Variants in RSU1 observed in about 807,000 individuals in gnomAD.
The protein encoded by RSU1 is rsu-1.
In RSU1, 26 loss-of-function variants were observed where a neutral mutation model predicts 31.1. The observed-to-expected ratio is 0.84, with a 90% CI of 0.61 to 1.16. RSU1 has a LOEUF of 1.16. Among genes scored for constraint, RSU1 ranks in the 50% most tolerant of loss-of-function variants. The pLI, the probability that RSU1 is intolerant of heterozygous loss-of-function variation, is 0.00. For synonymous variants in RSU1, 164 were observed against 136.3 expected, an observed-to-expected ratio of 1.20 and a Z score of -1.41; for missense variants, 320 against 339.1, an observed-to-expected ratio of 0.94 and a Z score of 0.44.
intron 7 of RSU1, among the ~76,000 whole-genome samples, chr10:16,699,488 G>C (rs2131567902): frequency 6.6e-6 from 1 of 152,332 alleles, no homozygotes; most frequent in Middle Eastern, 3.4e-3. Context: ...TCGGAGGTAG[G>C]TTCCCTTTTA....
At chr10:16,693,007 G>T (rs1404190864) in intron 8 of RSU1, among the ~76,000 whole-genome samples, 1 of 152,064 alleles carries the variant, frequency 6.6e-6, no homozygotes, top group East Asian at 1.9e-4. Context: ...CTGTCGCCCA[G>T]GCTGGAGTGC....
chr10:16,708,834 C>T (rs911517388), intron 7 of RSU1, among the ~76,000 whole-genome samples: 4 of 150,652 alleles, frequency 2.7e-5, no homozygotes, highest in Non-Finnish European at 3.0e-5. Context: ...TTTAAGCTAT[C>T]GTAAATGGAG....
At chr10:16,724,478 A>G (rs1432868395) in intron 7 of RSU1, among the ~76,000 whole-genome samples, 1 of 152,134 alleles carries the variant, frequency 6.6e-6, no homozygotes, top group Non-Finnish European at 1.5e-5. Context: ...CATGACACAG[A>G]TTTTTCTCCG....
chr10:16,766,447 G>A (rs1837317025), intron 3 of RSU1, among the ~76,000 whole-genome samples: 1 of 152,182 alleles, frequency 6.6e-6, no homozygotes, highest in Non-Finnish European at 1.5e-5. Context: ...CGGGAGCGGT[G>A]GCTCACACCT....
Position 16,731,398 on chromosome 10 carries a change from C to T in RSU1, c.598+21141G>A, listed in dbSNP as rs1007606034. ...TGAGCCGAGATAGCACCACTGCACT[C>T]GAGCCTGGGCGAAAGAGCGACACTC... On this transcript the variant is annotated intron_variant, in intron 7 of 8. Coordinates refer to ENST00000345264, the MANE Select transcript of RSU1 (RefSeq NM_012425.4). Among the ~76,000 whole-genome samples, 20 of 146,474 alleles carry T rather than the reference C, an allele frequency of 1.4e-4. No individual in the cohort carries two copies. The South Asian group carries it at 2.1e-3, about 16-fold the overall frequency.
chr10:16,696,595 C>T (rs923473767), intron 7 of RSU1, among the ~76,000 whole-genome samples: 10 of 152,162 alleles, frequency 6.6e-5, no homozygotes, highest in South Asian at 2.1e-4. Context: ...AATTTGTTGG[C>T]GCTTGGTACA....
chr10:16,781,783 TCAAGAC>T (rs2131646106), intron 3 of RSU1, among the ~76,000 whole-genome samples: 1 of 152,212 alleles, frequency 6.6e-6, no homozygotes, highest in Non-Finnish European at 1.5e-5. Context: ...GCCCAGGAGT[TCAAGAC>T]CAACCTGGGT....
intron 7 of RSU1, among the ~76,000 whole-genome samples, chr10:16,750,939 CACTGCAGCTTT>C (rs1836967033): frequency 6.6e-6 from 1 of 151,188 alleles, no homozygotes; most frequent in Non-Finnish European, 1.5e-5. Context: ...GATCACTGCT[CACTGCAGCTTT>C]GACCTCCCAG....
intron 8 of RSU1, among the ~76,000 whole-genome samples, chr10:16,692,723 A>C (rs11254148): frequency 0.35 from 53,548 of 151,996 alleles, 9,689 homozygotes; most frequent in Middle Eastern, 0.43. Context: ...GGTGAGCTAC[A>C]TTCGTATTTT....
chr10:16,777,891 C>T (rs1364315433), intron 3 of RSU1, among the ~76,000 whole-genome samples: 1 of 152,086 alleles, frequency 6.6e-6, no homozygotes, highest in Non-Finnish European at 1.5e-5. Flanking sequence ...TCTGAGCGGT[C>T]ATGAAAACAG....
At position 16,622,195 on chromosome 10, in the gene RSU1, T is replaced by TTA. The variant is rs1352086649; in HGVS notation, c.732-28700_732-28699insTA. ...CTGAAAAAGTGTTTCTGTGCTTACT[T>TTA]TGTGTTTTTATATAGATACTATTCA... On this transcript the variant is annotated intron_variant, in intron 8 of 8. Transcript: ENST00000345264. 2.0e-5 allele frequency among the ~76,000 whole-genome samples: 3 copies of TTA among 152,340 alleles called. No homozygotes were observed. The East Asian group carries it at 5.8e-4, about 29-fold the overall frequency.
intron 8 of RSU1, among the ~76,000 whole-genome samples, chr10:16,684,257 T>G (rs1835395805): frequency 6.6e-6 from 1 of 152,216 alleles, no homozygotes; most frequent in South Asian, 2.1e-4. Context: ...TTTTCTTCTT[T>G]GTCACATAAT....
At chr10:16,694,548 G>C (rs1835634192) in intron 8 of RSU1, among the ~76,000 whole-genome samples, 1 of 151,930 alleles carries the variant, frequency 6.6e-6, no homozygotes, top group African/African-American at 2.4e-5. Context: ...TTTACAAATA[G>C]AGACAATGAC....
At chr10:16,725,487 G>A (rs762823306) in intron 7 of RSU1, among the ~76,000 whole-genome samples, 36 of 152,144 alleles carry the variant, frequency 2.4e-4, no homozygotes, top group Middle Eastern at 6.8e-3. Context: ...AATTATCAAC[G>A]AAAGCATCTT....
At chr10:16,620,059 A>C (rs1834042398) in intron 8 of RSU1, among the ~76,000 whole-genome samples, 1 of 152,218 alleles carries the variant, frequency 6.6e-6, no homozygotes, top group South Asian at 2.1e-4. Flanking sequence ...TTTCATAATT[A>C]ACGTGAACAT....
chr10:16,616,055 C>A (rs903319629), intron 8 of RSU1, among the ~76,000 whole-genome samples: 2 of 151,824 alleles, frequency 1.3e-5, no homozygotes, highest in Non-Finnish European at 1.5e-5. Context: ...ACAGGAAAAA[C>A]CCTTTAAAAA....
chr10:16,712,789 T>C (rs1836048303), intron 7 of RSU1, among the ~76,000 whole-genome samples: 1 of 152,220 alleles, frequency 6.6e-6, no homozygotes, highest in South Asian at 2.1e-4. Flanking sequence ...TTACCTCTAC[T>C]AGTGAGTTTT....
At chr10:16,768,727 A>C (rs1394436332) in intron 3 of RSU1, among the ~76,000 whole-genome samples, 1 of 152,218 alleles carries the variant, frequency 6.6e-6, no homozygotes, top group African/African-American at 2.4e-5. Flanking sequence ...TAAACTGAAG[A>C]ACTGAATGTG....
chr10:16,643,032 A>G (rs1187540343), intron 8 of RSU1, among the ~76,000 whole-genome samples: 1 of 152,238 alleles, frequency 6.6e-6, no homozygotes, highest in Non-Finnish European at 1.5e-5. Flanking sequence ...GACAAAAAAA[A>G]TTAATATTTT....
Sources: allele counts gnomAD v4.1 joint callset (sites outside exome capture counted in the v4.1 genomes callset), GRCh38; gene constraint gnomAD v4.1.1; transcripts MANE v1.5; gene names NCBI Gene and HGNC (gene_info 2026-07-23, HGNC 2026-07-21).